RELN: variants seen among roughly 807,000 people sequenced by gnomAD.
The protein encoded by RELN is reelin.
RELN carries 108 observed loss-of-function variants against 427.6 expected under a neutral mutation model. The observed-to-expected ratio is 0.25, with a 90% CI of 0.22 to 0.30. RELN has a LOEUF of 0.30. Among genes scored for constraint, RELN ranks in the 10% least tolerant of loss-of-function variants. The pLI is 1.00. For synonymous variants in RELN, 1,524 were observed against 1,513.4 expected, an observed-to-expected ratio of 1.01 and a Z score of -0.16; for missense variants, 3,715 against 4,302.8, an observed-to-expected ratio of 0.86 and a Z score of 3.82.
chr7:103,595,933 A>C (rs1831526738), intron 25 of RELN, among the ~76,000 whole-genome samples: 1 of 152,178 alleles, frequency 6.6e-6, no homozygotes, highest in African/African-American at 2.4e-5. Context: ...AAGATATTTT[A>C]TTACATATAT....
chr7:103,927,443 C>T (rs145086164), intron 1 of RELN, among the ~76,000 whole-genome samples: 131 of 152,218 alleles, frequency 8.6e-4, no homozygotes, highest in African/African-American at 3.0e-3. Flanking sequence ...GGTACTAGCA[C>T]AGATAGTTGC....
intron 3 of RELN, among the ~76,000 whole-genome samples, chr7:103,796,907 AAGAAAAAG>A (rs1792316480): frequency 7.1e-6 from 1 of 140,446 alleles, no homozygotes; most frequent in African/African-American, 3.0e-5. Context: ...AAGAAAGAAA[AAGAAAAAG>A]AAAAAGAAAG....
chr7:103,565,086 A>T (rs1830718776), intron 34 of RELN, among the ~76,000 whole-genome samples, 192 bp downstream of exon 34: 1 of 152,248 alleles, frequency 6.6e-6, no homozygotes, highest in Non-Finnish European at 1.5e-5. Flanking sequence ...TCAGCCTCAT[A>T]AAACTTTTGG....
At chr7:103,917,318 T>C (rs111462712) in intron 1 of RELN, 133 bp from the exon 2 acceptor site, 12 of 718,226 alleles carry the variant, frequency 1.7e-5, no homozygotes, top group African/African-American at 1.4e-4. Flanking sequence ...TAGTTGGTAT[T>C]TTTTGTATGA....
At chr7:103,892,133 C>G (rs1794863682) in intron 2 of RELN, among the ~76,000 whole-genome samples, 1 of 152,210 alleles carries the variant, frequency 6.6e-6, no homozygotes, top group Admixed American at 6.5e-5. Context: ...TGAGCCAAGA[C>G]AGTTAAGAAG....
At position 103,630,121 on chromosome 7, in the gene RELN, A is replaced by G; in HGVS notation, c.2521T>C (p.Trp841Arg). Residue 841 changes from tryptophan to arginine, a missense_variant, in exon 20 of 65, where the codon TGG becomes CGG. Around this residue, in one of 4 missense-constraint regions of RELN, gnomAD observed 2,208 missense variants for 2,361.7 expected, o/e 0.93. Coordinates refer to ENST00000428762, the MANE Select transcript of RELN (RefSeq NM_005045.4). ...DAKQFGIQFR[W>R]WQPYHSSQRE... is the part of the protein sequence containing the mutation. The stretch of plus-strand genomic sequence containing the variant: ...TGGGAAGAATGATACGGTTGCCACC[A>G]TCTGAACTGAATTCCAAACTGCTTT... 6.2e-7 allele frequency: 1 copy of G among 1,613,836 alleles called. No homozygotes were observed.
chr7:103,872,332 C>T (rs373797706), intron 2 of RELN, among the ~76,000 whole-genome samples: 18 of 137,384 alleles, frequency 1.3e-4, no homozygotes, highest in Admixed American at 3.0e-4. Flanking sequence ...TTTGTTCTTG[C>T]GATAGTTTAC....
At chr7:103,778,121 G>A (rs1791792184) in intron 3 of RELN, among the ~76,000 whole-genome samples, 1 of 152,058 alleles carries the variant, frequency 6.6e-6, no homozygotes, top group Non-Finnish European at 1.5e-5. Context: ...GTTTTTCTTT[G>A]CTTTCAGAAA....
intron 1 of RELN, among the ~76,000 whole-genome samples, chr7:103,976,842 G>A (rs1261861388): frequency 6.6e-6 from 1 of 152,172 alleles, no homozygotes; most frequent in African/African-American, 2.4e-5. Context: ...ATTGAGTCCA[G>A]GAGTTCAAGA....
chr7:103,529,588 T>C (rs76499824), intron 46 of RELN, among the ~76,000 whole-genome samples: 4,856 of 152,060 alleles, frequency 0.032, 104 homozygotes, highest in East Asian at 0.077. Context: ...AGATTCAGAG[T>C]AGGGGCTATG....
At chr7:103,644,464 T>A (rs1832757031) in intron 16 of RELN, among the ~76,000 whole-genome samples, 2 of 149,604 alleles carry the variant, frequency 1.3e-5, no homozygotes, top group South Asian at 2.1e-4. Flanking sequence ...AAATGAAAAA[T>A]TCATTGAAGG....
rs568586998 is a variant in RELN, at chr7:103,683,585, T to C, written c.1144-1324A>G. 9.2e-5 allele frequency among the ~76,000 whole-genome samples: 14 copies of C among 152,304 alleles called. No homozygotes were observed. The South Asian group carries it at 2.7e-3, about 29-fold the overall frequency. On this transcript the variant is annotated intron_variant, in intron 10 of 64. Transcript: ENST00000428762. The stretch of plus-strand genomic sequence containing the variant: ...TAGTTATCATAACATCATGGCATAA[T>C]ACATTACTCATGTGTTTTTGGTGAT...
intron 55 of RELN, 93 bp downstream of exon 55, chr7:103,497,727 G>GT (rs752154501): frequency 4.1e-5 from 41 of 1,010,228 alleles, no homozygotes; most frequent in Non-Finnish European, 6.3e-5. Context: ...TTCAAACTGT[G>GT]AAGTCAGCAA....
At chr7:103,872,852 T>C (rs1156399367) in intron 2 of RELN, among the ~76,000 whole-genome samples, 1 of 150,830 alleles carries the variant, frequency 6.6e-6, no homozygotes, top group Non-Finnish European at 1.5e-5. Context: ...TTTGGCTGCA[T>C]AAATGTCTTC....
At chr7:103,720,280 G>C (rs1266442359) in intron 8 of RELN, among the ~76,000 whole-genome samples, 1 of 151,730 alleles carries the variant, frequency 6.6e-6, no homozygotes, top group African/African-American at 2.4e-5. Context: ...AGTAATTCAA[G>C]CAATTTTTGT....
chr7:103,860,376 C>T (rs762684427), intron 2 of RELN, among the ~76,000 whole-genome samples: 2 of 152,046 alleles, frequency 1.3e-5, no homozygotes, highest in African/African-American at 2.4e-5. Flanking sequence ...AATGAGATCA[C>T]GCTGCTTTAT....
chr7:103,536,862 C>T (rs948094231), intron 45 of RELN, among the ~76,000 whole-genome samples: 3 of 152,270 alleles, frequency 2.0e-5, no homozygotes, highest in Non-Finnish European at 4.4e-5. Flanking sequence ...AGAGTTGTGT[C>T]TACGGAGCCT....
intron 2 of RELN, among the ~76,000 whole-genome samples, chr7:103,891,437 ACT>A (rs1320599707): frequency 6.6e-6 from 1 of 152,062 alleles, no homozygotes; most frequent in South Asian, 2.1e-4. Flanking sequence ...GTGCACAATG[ACT>A]CTACATCAGG....
intron 45 of RELN, among the ~76,000 whole-genome samples, chr7:103,538,009 TTTGAG>T (rs1830093054): frequency 1.5e-4 from 23 of 152,318 alleles, no homozygotes; most frequent in African/African-American, 5.5e-4. Context: ...CTGGACTTTC[TTTGAG>T]GTATCCCATC....
Sources: gnomAD v4.1 joint callset for allele counts (sites outside exome capture counted in the v4.1 genomes callset) on GRCh38, gnomAD v4.1.1 for gene constraint, gnomAD v4.1.1 regional missense constraint, MANE v1.5 for transcripts, NCBI Gene and HGNC (gene_info 2026-07-23, HGNC 2026-07-21) for gene names.